ARHGAP8: variants seen among roughly 807,000 people sequenced by gnomAD.
ARHGAP8 encodes rho GTPase-activating protein 8.
Under a neutral mutation model 46.1 loss-of-function variants are expected in ARHGAP8, and 62 were observed. The observed-to-expected ratio is 1.34, with a 90% confidence interval of 1.10 to 1.66. ARHGAP8 has a LOEUF of 1.66. ARHGAP8 is among the 40% of genes most tolerant of loss of function. ARHGAP8 has a pLI of 0.00. For missense variants in ARHGAP8, 923 were observed against 568.4 expected (o/e 1.62, Z -6.34); for synonymous variants, 375 against 243.1 (o/e 1.54, Z -5.05).
Position 44,827,336 on chromosome 22 carries a change from G to GTTTTTTTTTTTTTTTTTTTTTTT in ARHGAP8, c.596+1747_596+1769dup, listed in dbSNP as rs796490147. Among the ~76,000 whole-genome samples the GTTTTTTTTTTTTTTTTTTTTTTT allele has an allele frequency of 7.4e-5, 5 of 67,258 alleles. 1 individual carries two copies. The highest frequency in any genetic ancestry group is 1.0e-4 in the Non-Finnish European group (4 of 38,954). The allele number at this position is 67,258 out of a possible 152,430, so 44.1% of individuals were successfully genotyped here. ...GGTGAGATAATACATTTGGGTGGTG[G>GTTTTTTTTTTTTTTTTTTTTTTT]TTTTTTTTTTTTTTTTTTTTTTTTT... On this transcript the variant is annotated intron_variant, in intron 7 of 11. Transcript: ENST00000356099.
chr22:44,838,945 G>A (rs751817715), intron 7 of ARHGAP8, among the ~76,000 whole-genome samples: 20 of 152,202 alleles, frequency 1.3e-4, no homozygotes, highest in Non-Finnish European at 2.1e-4. Context: ...GGGAGAGAGC[G>A]CCAGCATCTC....
chr22:44,812,315 C>G (rs1197115795), intron 4 of ARHGAP8, among the ~76,000 whole-genome samples: 2 of 151,644 alleles, frequency 1.3e-5, no homozygotes, highest in African/African-American at 2.4e-5. Context: ...ACTGCTACTG[C>G]CCCCCGCCCC....
At chr22:44,793,607 C>G (rs1480110199) in intron 2 of ARHGAP8, among the ~76,000 whole-genome samples, 2 of 152,176 alleles carry the variant, frequency 1.3e-5, no homozygotes, top group African/African-American at 4.8e-5. Context: ...TAATCGCCGT[C>G]CGCTGGGAGA....
At chr22:44,786,142 A>T (rs943716757) in intron 1 of ARHGAP8, 9 of 470,934 alleles carry the variant, frequency 1.9e-5, no homozygotes, top group African/African-American at 1.6e-4. Context: ...TAGGTCGCAT[A>T]GTGGGTGCTC....
chr22:44,790,699 AG>A (rs1927607527), intron 2 of ARHGAP8, among the ~76,000 whole-genome samples: 2 of 142,010 alleles, frequency 1.4e-5, no homozygotes, highest in Non-Finnish European at 1.5e-5. Context: ...AAAAAAAAAA[AG>A]AGAAGGGGGA....
intron 1 of ARHGAP8, among the ~76,000 whole-genome samples, chr22:44,767,237 G>A (rs947423048): frequency 1.1e-4 from 16 of 152,052 alleles, no homozygotes; most frequent in African/African-American, 3.1e-4. Context: ...CCGCTTTCCC[G>A]TGACTACAGA....
intron 2 of ARHGAP8, 113 bp downstream of exon 2, chr22:44,786,719 T>G: frequency 7.0e-7 from 1 of 1,437,800 alleles, no homozygotes; most frequent in Non-Finnish European, 9.3e-7. Flanking sequence ...TGGGCAAGAT[T>G]GAAATCTAAT....
At chr22:44,861,352 G>C (rs909994142) in intron 11 of ARHGAP8, among the ~76,000 whole-genome samples, 1 of 152,182 alleles carries the variant, frequency 6.6e-6, no homozygotes, top group African/African-American at 2.4e-5. Flanking sequence ...GCACCTGGTG[G>C]GGTGTGGTGT....
At chr22:44,831,854 A>G (rs1930969943) in intron 7 of ARHGAP8, among the ~76,000 whole-genome samples, 1 of 152,188 alleles carries the variant, frequency 6.6e-6, no homozygotes, top group South Asian at 2.1e-4. Flanking sequence ...AATCTTGATT[A>G]CTGTAGCTTT....
At chr22:44,780,293 GCTGCAGTGAGCTGTGATTGCGCCA>G (rs1211973959) in intron 1 of ARHGAP8, among the ~76,000 whole-genome samples, 1 of 152,066 alleles carries the variant, frequency 6.6e-6, no homozygotes, top group East Asian at 1.9e-4. Flanking sequence ...GGAGGCCAAG[GCTGCAGTGAGCTGTGATTGCGCCA>G]CTGCACTCCA....
chr22:44,785,989 T>G (rs758766437), intron 1 of ARHGAP8: 40 of 160,674 alleles, frequency 2.5e-4, no homozygotes, highest in Non-Finnish European at 4.5e-4. Context: ...TCACTCTCCC[T>G]CTCTGAGCCT....
chr22:44,852,916 C>T (rs1230668514), intron 10 of ARHGAP8, among the ~76,000 whole-genome samples: 1 of 152,190 alleles, frequency 6.6e-6, no homozygotes, highest in Non-Finnish European at 1.5e-5. Flanking sequence ...CTTTCTCCTG[C>T]CCCAGCCTGC....
chr22:44,803,995 G>A (rs1444842259), intron 3 of ARHGAP8, among the ~76,000 whole-genome samples: 1 of 151,556 alleles, frequency 6.6e-6, no homozygotes, highest in Non-Finnish European at 1.5e-5. Flanking sequence ...GCAGGACTGA[G>A]CCTTCTCCAG....
chr22:44,835,744 T>C (rs1020704376), intron 7 of ARHGAP8, among the ~76,000 whole-genome samples: 3 of 152,232 alleles, frequency 2.0e-5, no homozygotes, highest in African/African-American at 7.2e-5. Context: ...GGTGATCTTA[T>C]TAGCAAGCAG....
intron 1 of ARHGAP8, among the ~76,000 whole-genome samples, chr22:44,778,819 A>C (rs1475028484): frequency 6.6e-6 from 1 of 152,122 alleles, no homozygotes; most frequent in Non-Finnish European, 1.5e-5. Flanking sequence ...CCCTTGATTC[A>C]TTTCTGCCCC....
intron 7 of ARHGAP8, among the ~76,000 whole-genome samples, chr22:44,837,700 C>A (rs1417405478): frequency 6.6e-6 from 1 of 152,080 alleles, no homozygotes; most frequent in South Asian, 2.1e-4. Flanking sequence ...CAGCAAGTAG[C>A]GGATGGGCAG....
chr22:44,821,124 T>C (rs1930098518), intron 5 of ARHGAP8, among the ~76,000 whole-genome samples: 1 of 152,216 alleles, frequency 6.6e-6, no homozygotes, highest in Non-Finnish European at 1.5e-5. Flanking sequence ...CATAATTCTT[T>C]ACCCACATTA....
At chr22:44,820,761 C>T (rs1217105606) in intron 5 of ARHGAP8, among the ~76,000 whole-genome samples, 1 of 152,206 alleles carries the variant, frequency 6.6e-6, no homozygotes, top group Non-Finnish European at 1.5e-5. Flanking sequence ...CGCCCTCCTC[C>T]CTCAGCCCCC....
chr22:44,862,384 T>C lies in ARHGAP8; in HGVS notation c.1091T>C (p.Val364Ala), dbSNP rs771514542. 1.6e-5 allele frequency: 26 copies of C among 1,614,146 alleles called. No individual in the cohort carries two copies. The highest frequency in any genetic ancestry group is 2.2e-5 in the Non-Finnish European group (26 of 1,180,002). The change falls in exon 12 of 12, where the codon GTG (valine) becomes GCG (alanine). Residue 364 changes from valine (V) to alanine (A), a missense_variant. Val to Ala is a moderately conservative substitution (Grantham distance 64, BLOSUM62 0). Transcript: ENST00000356099. ...GGGGTCTCCTCCCTGAGTGCCCTTG[T>C]GCCCCTGAACATGTTCACTGAACTG... ...SQGVSSLSALVPLNMFTELLI... is the reference protein window; with the variant it reads ...SQGVSSLSALAPLNMFTELLI...
Sources: allele counts gnomAD v4.1 joint callset (sites outside exome capture counted in the v4.1 genomes callset), GRCh38; gene constraint gnomAD v4.1.1; transcripts MANE v1.5; gene names NCBI Gene and HGNC (gene_info 2026-07-23, HGNC 2026-07-21).